The following TOX2 variants were observed in gnomAD, a reference collection of about 807,000 sequenced individuals.
TOX2 encodes TOX high mobility group box family member 2, also known as granulosa cell HMG box 1.
Under a neutral mutation model 47.4 loss-of-function variants are expected in TOX2, and 15 were observed. The ratio of observed to expected loss-of-function variants is 0.32; its 90% CI spans 0.21 to 0.49. TOX2 has a LOEUF of 0.49. TOX2 is among the 20% of genes least tolerant of loss of function. TOX2 has a pLI of 0.99. For missense variants in TOX2, 622 were observed against 673.1 expected (o/e 0.92, Z 0.84); for synonymous variants, 290 against 296.6 (o/e 0.98, Z 0.23).
At chr20:44,036,134 G>A (rs1018563449) in intron 3 of TOX2, among the ~76,000 whole-genome samples, 15 of 152,214 alleles carry the variant, frequency 9.9e-5, no homozygotes, top group African/African-American at 3.4e-4. Flanking sequence ...CCATATGCCC[G>A]GCAGCTGGAG....
intron 2 of TOX2, among the ~76,000 whole-genome samples, chr20:43,989,807 C>T (rs957598617): frequency 2.6e-5 from 4 of 151,306 alleles, no homozygotes; most frequent in Admixed American, 6.6e-5. Context: ...ACCCACCCAG[C>T]ATATATTAAT....
intron 2 of TOX2, among the ~76,000 whole-genome samples, chr20:43,985,826 TG>T (rs2070254356): frequency 6.6e-6 from 1 of 151,460 alleles, no homozygotes; most frequent in Non-Finnish European, 1.5e-5. Flanking sequence ...AGCTCATAGT[TG>T]GGAGGGTGCT....
chr20:44,038,584 G>A (rs1160531098), intron 3 of TOX2, among the ~76,000 whole-genome samples: 2 of 151,252 alleles, frequency 1.3e-5, no homozygotes, highest in African/African-American at 4.9e-5. Flanking sequence ...AATTGTGGGG[G>A]AAAAAAATTC....
At chr20:43,930,359 T>C (rs1219147712) in intron 1 of TOX2, among the ~76,000 whole-genome samples, 2 of 152,216 alleles carry the variant, frequency 1.3e-5, no homozygotes, top group African/African-American at 4.8e-5. Context: ...CCTGCAAGTG[T>C]TAATCCATGT....
intron 2 of TOX2, among the ~76,000 whole-genome samples, chr20:43,994,046 G>A (rs983656014): frequency 6.6e-6 from 1 of 152,078 alleles, no homozygotes; most frequent in South Asian, 2.1e-4. Flanking sequence ...CAGCTCCTTG[G>A]GTGTCTCAGG....
intron 1 of TOX2, among the ~76,000 whole-genome samples, chr20:43,967,475 G>A (rs767997610): frequency 1.3e-5 from 2 of 151,904 alleles, no homozygotes. Flanking sequence ...TACCCACCCG[G>A]GAACCCACAC....
chr20:44,031,302 G>A (rs1307978932), intron 3 of TOX2, among the ~76,000 whole-genome samples: 1 of 152,172 alleles, frequency 6.6e-6, no homozygotes, highest in Admixed American at 6.5e-5. Context: ...GCTGGAATAA[G>A]CCTGTATGAC....
chr20:43,927,511 A>ACAC (rs1491163655), intron 1 of TOX2, among the ~76,000 whole-genome samples: 18 of 132,496 alleles, frequency 1.4e-4, no homozygotes, highest in South Asian at 2.5e-4. Context: ...ACACACACAC[A>ACAC]TCATGAGATA....
At chr20:44,005,987 T>C (rs1024579362) in intron 2 of TOX2, among the ~76,000 whole-genome samples, 2 of 151,486 alleles carry the variant, frequency 1.3e-5, no homozygotes, top group African/African-American at 2.4e-5. Flanking sequence ...CACAGGTGAC[T>C]CCTGGTTTCT....
At chr20:44,003,137 G>A (rs1238739440) in intron 2 of TOX2, among the ~76,000 whole-genome samples, 3 of 151,274 alleles carry the variant, frequency 2.0e-5, no homozygotes, top group Non-Finnish European at 4.4e-5. Flanking sequence ...GGTTGAGTGA[G>A]ATGCATGTTT....
chr20:44,066,745 T>C lies in TOX2; in HGVS notation c.1372T>C (p.Ser458Pro). The change falls in exon 8 of 9, where the codon TCT becomes CCT. Residue 458 changes from serine (S) to proline (P), a missense_variant. Around this residue, in one of 3 missense-constraint regions of TOX2, gnomAD observed 294 missense variants for 300.0 expected, o/e 0.98. Coordinates refer to ENST00000341197, the MANE Select transcript of TOX2 (RefSeq NM_001098797.2). ...CACTCTGTAGGACTTCCCGCACATC[T>C]CTGAGTTCCCCAGCAGCTCGGGATC... is the stretch of plus-strand genomic sequence containing the variant. ...PPGPQDFPHI[S>P]EFPSSSGSCS... The C allele has an allele frequency of 1.2e-6, 2 of 1,614,098 alleles. No individual in the cohort carries two copies. The highest frequency in any genetic ancestry group is 2.2e-5 in the South Asian group (2 of 91,078).
intron 1 of TOX2, among the ~76,000 whole-genome samples, chr20:43,930,985 C>T (rs1369138174): frequency 6.6e-6 from 1 of 152,168 alleles, no homozygotes; most frequent in African/African-American, 2.4e-5. Context: ...TTCTCTCCTC[C>T]CTCCTCTATC....
At chr20:44,067,927 T>C (rs2071860561) in intron 8 of TOX2, among the ~76,000 whole-genome samples, 1 of 152,162 alleles carries the variant, frequency 6.6e-6, no homozygotes, top group Non-Finnish European at 1.5e-5. Context: ...GGTGGCCACC[T>C]TGCTGCTGAG....
intron 1 of TOX2, among the ~76,000 whole-genome samples, chr20:43,946,636 G>T (rs2069476848): frequency 6.6e-6 from 1 of 152,194 alleles, no homozygotes; most frequent in South Asian, 2.1e-4. Context: ...AACCAGTTGG[G>T]ATCTCTACGC....
At chr20:43,925,403 A>G (rs2069154335) in intron 1 of TOX2, among the ~76,000 whole-genome samples, 1 of 152,134 alleles carries the variant, frequency 6.6e-6, no homozygotes, top group African/African-American at 2.4e-5. Context: ...GGATGAGCCT[A>G]CGAAGTCCTT....
chr20:44,052,169 C>T (rs1021068680), intron 4 of TOX2, among the ~76,000 whole-genome samples: 2 of 148,620 alleles, frequency 1.3e-5, no homozygotes, highest in African/African-American at 5.2e-5. Context: ...GCAAAAATGA[C>T]CGCCCCACTG....
intron 5 of TOX2, among the ~76,000 whole-genome samples, chr20:44,059,511 AAAG>A (rs2071679780): frequency 6.6e-6 from 1 of 152,196 alleles, no homozygotes; most frequent in Non-Finnish European, 1.5e-5. Context: ...CAAGAAGTTC[AAAG>A]AACACCTGGG....
At chr20:44,053,547 TATACATATATACTATATATAC>T (rs1297019831) in intron 4 of TOX2, among the ~76,000 whole-genome samples, 3 of 139,500 alleles carry the variant, frequency 2.2e-5, no homozygotes, top group East Asian at 2.0e-4. Context: ...ATACTATATA[TATACATATATACTATATATAC>T]ACACACATAT....
At chr20:43,944,093 G>A (rs1206607401) in intron 1 of TOX2, among the ~76,000 whole-genome samples, 1 of 152,038 alleles carries the variant, frequency 6.6e-6, no homozygotes, top group Non-Finnish European at 1.5e-5. Context: ...TTTGTATCGC[G>A]GTGCAAAATG....
Sources: gnomAD v4.1 joint callset for allele counts (sites outside exome capture counted in the v4.1 genomes callset) on GRCh38, gnomAD v4.1.1 for gene constraint, gnomAD v4.1.1 regional missense constraint, MANE v1.5 for transcripts, NCBI Gene and HGNC (gene_info 2026-07-23, HGNC 2026-07-21) for gene names.